GLB1L2: variants seen among roughly 807,000 people sequenced by gnomAD.
The protein encoded by GLB1L2 is galactosidase beta 1 like 2.
In GLB1L2, 68 loss-of-function variants were observed where a neutral mutation model predicts 84.1. The ratio of observed to expected loss-of-function variants is 0.81; its 90% CI spans 0.67 to 0.99. The LOEUF (loss-of-function observed/expected upper bound fraction) is 0.99. Ranked by LOEUF, GLB1L2 falls within the 50% of genes least tolerant of loss-of-function variation. The probability of loss-of-function intolerance (pLI) is 0.00; values close to 1 mark genes in which losing one functional copy is unlikely to be tolerated. For missense variants in GLB1L2, 762 were observed against 805.6 expected, an observed-to-expected ratio of 0.95 and a Z score of 0.66; for synonymous variants, 290 against 318.0, an observed-to-expected ratio of 0.91 and a Z score of 0.94.
intron 8 of GLB1L2, among the ~76,000 whole-genome samples, chr11:134,366,503 A>G (rs1236080452): frequency 1.3e-5 from 2 of 152,214 alleles, no homozygotes; most frequent in African/African-American, 4.8e-5. Flanking sequence ...AGGCTCTCTC[A>G]TGCAGAGCCT....
chr11:134,341,441 G>C (rs1943461055), intron 1 of GLB1L2, among the ~76,000 whole-genome samples: 1 of 152,184 alleles, frequency 6.6e-6, no homozygotes, highest in Non-Finnish European at 1.5e-5. Context: ...ATTCCAGCTA[G>C]CGTTTTTGCT....
At chr11:134,348,383 G>A (rs889928923) in intron 5 of GLB1L2, among the ~76,000 whole-genome samples, 26 of 152,190 alleles carry the variant, frequency 1.7e-4, no homozygotes, top group African/African-American at 5.6e-4. Flanking sequence ...AAGGAACTAG[G>A]AAGTCATTAG....
chr11:134,370,961 C>T lies in GLB1L2; in HGVS notation c.1216-47C>T, dbSNP rs1296893817. On this transcript the variant is annotated intron_variant, in intron 12 of 18. Coordinates refer to ENST00000535456, the MANE Select transcript of GLB1L2 (RefSeq NM_001370461.1). The surrounding 1 kb of genome is among the most constrained non-coding windows in gnomAD (Gnocchi z 4.7). The stretch of plus-strand genomic sequence containing the variant: ...CCCCCAGGCAGAGTCTGTCTGTGAC[C>T]CCACTCCTCCTGAGCCTGCCCACCC... 3 of 1,607,858 alleles carry T rather than the reference C, an allele frequency of 1.9e-6. No individual in the cohort carries two copies. The highest frequency in any genetic ancestry group is 1.7e-5 in the Admixed American group (1 of 59,662).
intron 1 of GLB1L2, among the ~76,000 whole-genome samples, chr11:134,335,792 T>G (rs1156606644): frequency 6.6e-6 from 1 of 152,056 alleles, no homozygotes; most frequent in South Asian, 2.1e-4. Context: ...CGAGGTCATG[T>G]CAGACGCTCT....
intron 4 of GLB1L2, among the ~76,000 whole-genome samples, chr11:134,345,762 C>T (rs1046708809): frequency 6.6e-6 from 1 of 152,240 alleles, no homozygotes; most frequent in Non-Finnish European, 1.5e-5. Flanking sequence ...AGCCACCGCG[C>T]CCGGCCTTCC....
intron 1 of GLB1L2, among the ~76,000 whole-genome samples, chr11:134,342,494 T>C (rs1943480488): frequency 1.3e-5 from 2 of 152,188 alleles, no homozygotes; most frequent in Admixed American, 1.3e-4. Context: ...CTGCCGTCTC[T>C]CCTTTCAGCC....
Position 134,367,163 on chromosome 11 carries a change from G to C in GLB1L2, c.805-94G>C, listed in dbSNP as rs970388659. On this transcript the variant is annotated intron_variant, in intron 8 of 18. Coordinates refer to ENST00000535456, the MANE Select transcript of GLB1L2 (RefSeq NM_001370461.1). Reference sequence around the variant, plus strand: ...GGGTATGCAGACAGGGAAGAGTAGAGAGGGCAGAGATCCTGGGGCTCCCCT... The same window carrying C: ...GGGTATGCAGACAGGGAAGAGTAGACAGGGCAGAGATCCTGGGGCTCCCCT... The C allele has an allele frequency of 5.7e-6, 6 of 1,051,308 alleles. No individual in the cohort carries two copies. In the African/African-American group the frequency reaches 6.3e-5, roughly 11 times the overall value. 65.1% of individuals were successfully genotyped at this position (1,051,308 alleles called of 1,614,324 possible). A position where few individuals can be genotyped will look rare whatever the true frequency, so the allele number is the denominator to read the frequency against.
At chr11:134,359,913 C>A (rs1229352225) in intron 7 of GLB1L2, 1 of 152,318 alleles carries the variant, frequency 6.6e-6, no homozygotes, top group Non-Finnish European at 1.5e-5. Context: ...TGGCTGTTCT[C>A]CGAAGTTAGC....
chr11:134,350,981 C>T (rs1943622378), intron 5 of GLB1L2, among the ~76,000 whole-genome samples: 1 of 152,218 alleles, frequency 6.6e-6, no homozygotes, highest in East Asian at 1.9e-4. Context: ...TGTCTGTGAA[C>T]AGAGATAACT....
rs1026787481 is a variant in GLB1L2 at position 134,360,070 on chromosome 11, G to A, written c.733+929G>A. The A allele has an allele frequency of 6.6e-5, 10 of 152,452 alleles. No individual in the cohort carries two copies. The East Asian group carries it at 1.5e-3, about 24-fold the overall frequency. 9.4% of individuals were successfully genotyped at this position (152,452 alleles called of 1,614,324 possible). The stretch of plus-strand genomic sequence containing the variant: ...TGTTTCACCCAGCAGTACTCTTGGC[G>A]GGGCTTGGGCTTTGGCTGGTTCAGG... On this transcript the variant is annotated intron_variant, in intron 7 of 18. Transcript: ENST00000535456.
At chr11:134,356,733 A>G (rs1287558596) in intron 6 of GLB1L2, among the ~76,000 whole-genome samples, 2 of 152,190 alleles carry the variant, frequency 1.3e-5, no homozygotes. Context: ...CACTGGCTCT[A>G]TCTGGGGAGT....
chr11:134,371,481 C>G lies in GLB1L2; in HGVS notation c.1417C>G (p.Pro473Ala). 1 of 1,586,178 alleles carries G rather than the reference C, an allele frequency of 6.3e-7. No individual in the cohort carries two copies. Among genetic ancestry groups the G allele is most frequent in the Non-Finnish European group, 8.7e-7 (1 of 1,154,600 alleles). Residue 473 changes from proline to alanine, a missense_variant, in exon 14 of 19, where the codon CCC becomes GCC. Physicochemically the swap from Pro to Ala is conservative, Grantham distance 27. Transcript: ENST00000535456. ...LDYKTTKIAV[P>A]LIQGYTVLRI... Reference sequence around the variant, plus strand: ...CTACAAGACAACGAAGATTGCTGTCCCCCTGATCCAGGTTCGTTGTTTTTG... The same window carrying G: ...CTACAAGACAACGAAGATTGCTGTCGCCCTGATCCAGGTTCGTTGTTTTTG...
chr11:134,358,363 G>T (rs747697121), intron 6 of GLB1L2, among the ~76,000 whole-genome samples: 1 of 152,276 alleles, frequency 6.6e-6, no homozygotes, highest in African/African-American at 2.4e-5. Context: ...CAACTGCAAG[G>T]CTCGCGTAGG....
At chr11:134,371,705 C>A in intron 14 of GLB1L2, 47 bp from the exon 15 acceptor site, 1 of 1,580,876 alleles carries the variant, frequency 6.3e-7, no homozygotes. Flanking sequence ...TTCTGAGGGG[C>A]AGCTGTGGCC....
chr11:134,358,944 C>T lies in GLB1L2; in HGVS notation c.652-116C>T, dbSNP rs78813988. On this transcript the variant is annotated intron_variant, in intron 6 of 18. Coordinates refer to ENST00000535456, the MANE Select transcript of GLB1L2 (RefSeq NM_001370461.1). ...TTTCTGTTTTTGGCAGAGAAATAAA[C>T]GCTTTATTTGTCATCTCTCCTTCTA... 3.9e-3 allele frequency: 2,680 copies of T among 691,626 alleles called. 52 individuals carry two copies. In the African/African-American group the frequency reaches 0.043, roughly 11 times the overall value. 42.8% of individuals were successfully genotyped at this position (691,626 alleles called of 1,614,324 possible). A position where few individuals can be genotyped will look rare whatever the true frequency, so the allele number is the denominator to read the frequency against.
In GLB1L2 at chr11:134,371,459, C is replaced by T. The variant is rs748465458; in HGVS notation, c.1395C>T (p.Tyr465=). The T allele has an allele frequency of 1.2e-6, 2 of 1,601,454 alleles. No individual in the cohort carries two copies. The highest frequency in any genetic ancestry group is 1.3e-5 in the African/African-American group (1 of 74,834). Residue 465 remains tyrosine, a synonymous_variant, in exon 14 of 19, where the codon TAC becomes TAT. Coordinates refer to ENST00000535456, the MANE Select transcript of GLB1L2 (RefSeq NM_001370461.1). ...CAGTATCCATAGGATTCTTGGACTA[C>T]AAGACAACGAAGATTGCTGTCCCCC... is the stretch of plus-strand genomic sequence containing the variant. ...VNTVSIGFLD[Y]KTTKIAVPLI...
rs150595598 is a variant in GLB1L2, at chr11:134,367,142, A to G, written c.805-115A>G. The G allele has an allele frequency of 9.2e-4, 831 of 907,254 alleles. 8 individuals carry two copies. The African/African-American group carries it at 0.012, about 13-fold the overall frequency. The allele number at this position is 907,254 out of a possible 1,614,324, so 56.2% of individuals were successfully genotyped here. A position where few individuals can be genotyped will look rare whatever the true frequency, so the allele number is the denominator to read the frequency against. On this transcript the variant is annotated intron_variant, in intron 8 of 18. Coordinates refer to ENST00000535456, the MANE Select transcript of GLB1L2 (RefSeq NM_001370461.1). ...TCCAAAGACCTCTAAGGCAGTGGGTATGCAGACAGGGAAGAGTAGAGAGGG... is the reference window on the plus strand; with the variant it reads ...TCCAAAGACCTCTAAGGCAGTGGGTGTGCAGACAGGGAAGAGTAGAGAGGG...
At chr11:134,372,093 C>T (rs1160734616) in intron 15 of GLB1L2, among the ~76,000 whole-genome samples, 1 of 152,200 alleles carries the variant, frequency 6.6e-6, no homozygotes, top group Non-Finnish European at 1.5e-5. Context: ...CTTGTCTCCC[C>T]TGGGCTGCAG....
At chr11:134,365,084 G>A (rs1943849488) in intron 8 of GLB1L2, 1 of 152,646 alleles carries the variant, frequency 6.6e-6, no homozygotes, top group Non-Finnish European at 1.5e-5. Flanking sequence ...CTGGAGTGGA[G>A]TTGTGCTTGG....
Sources: allele counts gnomAD v4.1 joint callset (sites outside exome capture counted in the v4.1 genomes callset), GRCh38; gene constraint gnomAD v4.1.1; non-coding constraint Gnocchi (gnomAD v3.1); transcripts MANE v1.5; gene names NCBI Gene and HGNC (gene_info 2026-07-23, HGNC 2026-07-21).